The following SKAP1 variants were observed in gnomAD, a reference collection of about 807,000 sequenced individuals.
SKAP1 encodes src kinase-associated phosphoprotein 1.
SKAP1 carries 44 observed loss-of-function variants against 58.5 expected under a neutral mutation model. The ratio of observed to expected loss-of-function variants is 0.75; its 90% CI spans 0.59 to 0.97. The LOEUF is 0.97. Among genes scored for constraint, SKAP1 ranks in the 50% least tolerant of loss-of-function variants. The pLI, the probability that SKAP1 is intolerant of heterozygous loss-of-function variation, is 0.00. For missense variants in SKAP1, 390 were observed against 435.2 expected (o/e 0.90, Z 0.92); for synonymous variants, 127 against 149.7 (o/e 0.85, Z 1.11).
intron 3 of SKAP1, among the ~76,000 whole-genome samples, chr17:48,352,201 T>C (rs888207422): frequency 2.6e-5 from 4 of 152,206 alleles, no homozygotes; most frequent in South Asian, 2.1e-4. Flanking sequence ...TAACAAACTG[T>C]AGGGCTGGCA....
In SKAP1 at chr17:48,363,867, A is replaced by G. The variant is rs1369158005; in HGVS notation, c.153-53T>C. The G allele has an allele frequency of 3.9e-6, 6 of 1,556,168 alleles. No individual in the cohort carries two copies. In the Admixed American group the frequency reaches 1.1e-4, roughly 28 times the overall value. On this transcript the variant is annotated intron_variant, in intron 2 of 12. Transcript: ENST00000336915. ...GAATAAGTCAAACTTGTATTTCTCA[A>G]TTTTGGTTGGCCTACCATAGCTATA...
rs1222548791 is a variant in SKAP1, at chr17:48,143,001, G to C, written c.979-5664C>G. On this transcript the variant is annotated intron_variant, in intron 11 of 12. Coordinates refer to ENST00000336915, the MANE Select transcript of SKAP1 (RefSeq NM_003726.4). ...AAAAACTTTTTTTTTTTTTTTTGTA[G>C]AGATGGGGTCTCCCTATGTTGCCCA... Among the ~76,000 whole-genome samples, 59 of 135,764 alleles carry C rather than the reference G, an allele frequency of 4.3e-4. 1 individual carries two copies. Among genetic ancestry groups the C allele is most frequent in the Non-Finnish European group, 4.7e-5 (3 of 63,850 alleles). 89.1% of individuals were successfully genotyped at this position (135,764 alleles called of 152,430 possible). A position where few individuals can be genotyped will look rare whatever the true frequency, so the allele number is the denominator to read the frequency against.
intron 3 of SKAP1, among the ~76,000 whole-genome samples, chr17:48,347,072 T>C (rs1285436864): frequency 6.6e-6 from 1 of 152,210 alleles, no homozygotes; most frequent in East Asian, 1.9e-4. Context: ...GATGTTATTA[T>C]GATACTTTAA....
chr17:48,246,742 C>G (rs2065301313), intron 4 of SKAP1, among the ~76,000 whole-genome samples: 1 of 152,176 alleles, frequency 6.6e-6, no homozygotes, highest in African/African-American at 2.4e-5. Flanking sequence ...TTTTTCATCA[C>G]TCTAATCTAA....
At chr17:48,349,837 T>C (rs565306805) in intron 3 of SKAP1, among the ~76,000 whole-genome samples, 1 of 152,214 alleles carries the variant, frequency 6.6e-6, no homozygotes, top group African/African-American at 2.4e-5. Flanking sequence ...AATTATTTCC[T>C]AGGGTTTCTG....
upstream of SKAP1, among the ~76,000 whole-genome samples, chr17:48,434,306 C>T (rs764596343): frequency 3.9e-5 from 6 of 152,186 alleles, no homozygotes; most frequent in Non-Finnish European, 8.8e-5. Flanking sequence ...TTTTGCAAGG[C>T]TCCAGAAACC....
At chr17:48,144,938 T>C (rs1281191226) in intron 11 of SKAP1, among the ~76,000 whole-genome samples, 1 of 152,220 alleles carries the variant, frequency 6.6e-6, no homozygotes, top group Non-Finnish European at 1.5e-5. Context: ...TTCAGAATTA[T>C]ACATGCTCAC....
rs138744772 is a variant in SKAP1 at position 48,264,102 on chromosome 17, G to A, written c.281-74602C>T. 6.0e-5 allele frequency among the ~76,000 whole-genome samples: 9 copies of A among 151,104 alleles called. 1 individual carries two copies. In the East Asian group the frequency reaches 1.7e-3, roughly 29 times the overall value. ...AAATCTGACTTTAGACTACAATTAGGCAAGATTATATCTAATAAATGTCCA... is the reference window on the plus strand; with the variant it reads ...AAATCTGACTTTAGACTACAATTAGACAAGATTATATCTAATAAATGTCCA... On this transcript the variant is annotated intron_variant, in intron 4 of 12. Coordinates refer to ENST00000336915, the MANE Select transcript of SKAP1 (RefSeq NM_003726.4).
chr17:48,187,991 T>A (rs1432076559), intron 5 of SKAP1, 65 bp from the exon 6 acceptor site: 95 of 1,159,702 alleles, frequency 8.2e-5, no homozygotes, highest in Non-Finnish European at 1.2e-4. Context: ...GTCTGTAAAA[T>A]CCAACAACAT....
intron 4 of SKAP1, among the ~76,000 whole-genome samples, chr17:48,206,874 T>C (rs567919838): frequency 6.6e-6 from 1 of 152,144 alleles, no homozygotes; most frequent in Non-Finnish European, 1.5e-5. Flanking sequence ...CAAGGCTGAA[T>C]TCAAACTCCT....
At chr17:48,417,943 T>C (rs772326674) in intron 1 of SKAP1, among the ~76,000 whole-genome samples, 2 of 152,010 alleles carry the variant, frequency 1.3e-5, no homozygotes, top group Non-Finnish European at 2.9e-5. Flanking sequence ...ATGGATAGAT[T>C]GATTTGCATG....
At chr17:48,163,296 A>C (rs1041729422) in intron 10 of SKAP1, among the ~76,000 whole-genome samples, 4 of 152,226 alleles carry the variant, frequency 2.6e-5, no homozygotes, top group African/African-American at 9.6e-5. Context: ...TAAAAATGAA[A>C]GCAACTGAAG....
rs146842117 is a variant in SKAP1 at position 48,182,407 on chromosome 17, A to C, written c.618T>G (p.Ser206Arg). ...AEARDWVDQI[S>R]FLLKDLSSLT... ...AATGACACTTACCCTTTAACAAGAA[A>C]CTTATTTGATCCACCCAGTCTCTGG... is the stretch of plus-strand genomic sequence containing the variant. The change falls in exon 8 of 13, where the codon AGT becomes AGG. Residue 206 changes from serine to arginine, a missense_variant. Physicochemically the swap from Ser to Arg is moderately radical, Grantham distance 110 (BLOSUM62 -1). Transcript: ENST00000336915. 37 of 1,607,666 alleles carry C rather than the reference A, an allele frequency of 2.3e-5. No homozygotes were observed. In the African/African-American group the frequency reaches 4.0e-4, roughly 17 times the overall value.
At chr17:48,205,984 G>A (rs140086779) in intron 4 of SKAP1, among the ~76,000 whole-genome samples, 230 of 152,168 alleles carry the variant, frequency 1.5e-3, no homozygotes, top group African/African-American at 5.4e-3. Context: ...TCTGATGAAG[G>A]AAAGGGATGA....
chr17:48,356,677 T>C (rs2066879920), intron 3 of SKAP1, among the ~76,000 whole-genome samples: 1 of 152,218 alleles, frequency 6.6e-6, no homozygotes. Flanking sequence ...AACTGCTCCA[T>C]ATCAGCAATA....
intron 4 of SKAP1, among the ~76,000 whole-genome samples, chr17:48,224,495 T>C (rs1427915789): frequency 1.3e-5 from 2 of 152,178 alleles, no homozygotes; most frequent in South Asian, 2.1e-4. Context: ...ATGAAGATGA[T>C]TTAAATATAG....
At chr17:48,238,028 C>T (rs1288177869) in intron 4 of SKAP1, among the ~76,000 whole-genome samples, 1 of 151,416 alleles carries the variant, frequency 6.6e-6, no homozygotes, top group Middle Eastern at 3.2e-3. Context: ...GAGCCTGGCT[C>T]TGTTGCCCAG....
chr17:48,253,323 G>T (rs1057462940), intron 4 of SKAP1, among the ~76,000 whole-genome samples: 2 of 152,084 alleles, frequency 1.3e-5, no homozygotes, highest in Non-Finnish European at 2.9e-5. Flanking sequence ...TCAAGTTGTG[G>T]CAAGGCCTAG....
intron 7 of SKAP1, among the ~76,000 whole-genome samples, chr17:48,182,927 G>A (rs1326916311): frequency 6.6e-6 from 1 of 152,160 alleles, no homozygotes; most frequent in Non-Finnish European, 1.5e-5. Flanking sequence ...AAGAGTTGGT[G>A]GAAACTGGTG....
Sources: allele counts gnomAD v4.1 joint callset (sites outside exome capture counted in the v4.1 genomes callset), GRCh38; gene constraint gnomAD v4.1.1; transcripts MANE v1.5; gene names NCBI Gene and HGNC (gene_info 2026-07-23, HGNC 2026-07-21).